The following MID1 variants were observed in gnomAD, a reference collection of about 807,000 sequenced individuals.
The protein encoded by MID1 is midline 1.
MID1 carries 7 observed loss-of-function variants against 40.4 expected under a neutral mutation model. The ratio of observed to expected loss-of-function variants is 0.17; its 90% CI spans 0.10 to 0.33. The LOEUF is 0.33. Ranked by LOEUF, MID1 falls within the 10% of genes least tolerant of loss-of-function variation. The pLI is 1.00. For missense variants in MID1, 367 were observed against 558.5 expected, an observed-to-expected ratio of 0.66 and a Z score of 3.46; for synonymous variants, 229 against 221.2, an observed-to-expected ratio of 1.04 and a Z score of -0.31.
intron 1 of MID1, among the ~76,000 whole-genome samples, chrX:10,826,575 C>G (rs2044218191): frequency 1.8e-5 from 2 of 112,104 alleles, no homozygotes; most frequent in South Asian, 7.5e-4. Context: ...CATTTCCTAC[C>G]CCTGAAAACA....
chrX:10,652,966 A>G, intron 1 of MID1, among the ~76,000 whole-genome samples: 1 of 111,229 alleles, frequency 9.0e-6, no homozygotes, highest in East Asian at 2.8e-4. Context: ...CTTTATTTGT[A>G]TTTGCAGCAC....
chrX:10,588,431 AT>A (rs1935189814), intron 1 of MID1, among the ~76,000 whole-genome samples: 1 of 111,561 alleles, frequency 9.0e-6, no homozygotes, highest in African/African-American at 3.3e-5. Flanking sequence ...TGCTCTTGGG[AT>A]ATGCCCTTGT....
chrX:10,815,669 C>T (rs979856944), intron 1 of MID1, among the ~76,000 whole-genome samples: 4 of 112,478 alleles, frequency 3.6e-5, no homozygotes, highest in African/African-American at 6.5e-5. Flanking sequence ...TTCATCAGTC[C>T]CCTGGGGGTT....
chrX:10,686,581 C>T (rs756875178), intron 1 of MID1, among the ~76,000 whole-genome samples: 2 of 112,115 alleles, frequency 1.8e-5, no homozygotes, highest in South Asian at 7.4e-4. Context: ...TAAAGCTTTC[C>T]CTTAGTCCCA....
chrX:10,609,103 A>G (rs933666437), intron 1 of MID1, among the ~76,000 whole-genome samples: 1 of 111,681 alleles, frequency 9.0e-6, no homozygotes, highest in Non-Finnish European at 1.9e-5. Context: ...TTTAGCAACA[A>G]ATTAGTTTTC....
rs773299935 is a variant in MID1, at chrX:10,773,799, G to T, written c.-187+59755C>A. Among the ~76,000 whole-genome samples, 5 of 112,138 alleles carry T rather than the reference G, an allele frequency of 4.5e-5. No individual in the cohort carries two copies. The South Asian group carries it at 1.9e-3, about 42-fold the overall frequency. ...TCAAGTTGATATAGGCCATAAGCAG[G>T]TCCAGCTCACATACAGGCCAAGAGT... On this transcript the variant is annotated intron_variant, in intron 1 of 10. Coordinates refer to the MID1 transcript ENST00000380785.
Position 10,765,017 on chromosome X carries a change from A to C in MID1, c.-187+68537T>G, listed in dbSNP as rs2043710690. Among the ~76,000 whole-genome samples the C allele has an allele frequency of 7.2e-5, 8 of 111,577 alleles. No homozygotes were observed. The South Asian group carries it at 3.0e-3, about 42-fold the overall frequency. On this transcript the variant is annotated intron_variant, in intron 1 of 10. Coordinates refer to the MID1 transcript ENST00000380785. ...ATCATGTTAACAGGCTCTCACACAA[A>C]CCCAATAATTACTGTGGTTCACTCT...
At chrX:10,758,569 C>T (rs919334276) in intron 1 of MID1, among the ~76,000 whole-genome samples, 3 of 98,917 alleles carry the variant, frequency 3.0e-5, no homozygotes, top group Non-Finnish European at 5.9e-5. Flanking sequence ...TGGCTCACTG[C>T]AAGCTCCGCC....
chrX:10,507,139 T>A (rs1032130094), intron 3 of MID1, among the ~76,000 whole-genome samples: 1 of 111,008 alleles, frequency 9.0e-6, no homozygotes, highest in African/African-American at 3.3e-5. Flanking sequence ...TGTCCCTCTC[T>A]CTCCCTACCC....
chrX:10,802,423 A>G (rs999163772), intron 1 of MID1, among the ~76,000 whole-genome samples: 1 of 111,786 alleles, frequency 8.9e-6, no homozygotes, highest in African/African-American at 3.3e-5. Context: ...AACAAACGTG[A>G]AAAAAATGCT....
intron 1 of MID1, among the ~76,000 whole-genome samples, chrX:10,805,724 C>T (rs1169934824): frequency 4.1e-5 from 4 of 96,775 alleles, no homozygotes; most frequent in Non-Finnish European, 4.2e-5. Context: ...ACATCCTCTC[C>T]AGCACCTGTT....
At chrX:10,450,030 C>T (rs1928232260) in intron 9 of MID1, among the ~76,000 whole-genome samples, 1 of 112,181 alleles carries the variant, frequency 8.9e-6, no homozygotes, top group African/African-American at 3.2e-5. Context: ...TAAAAATCTA[C>T]ACAATGAATT....
chrX:10,759,442 G>C (rs1054728599), intron 1 of MID1, among the ~76,000 whole-genome samples: 3 of 111,657 alleles, frequency 2.7e-5, no homozygotes, highest in African/African-American at 6.5e-5. Flanking sequence ...AGTGAAGTGA[G>C]ATGAGAAACG....
rs186179633 is a variant in MID1 at position 10,458,035 on chromosome X, C to G, written c.1447+1611G>C. Among the ~76,000 whole-genome samples, 13 of 112,504 alleles carry G rather than the reference C, an allele frequency of 1.2e-4. No homozygotes were observed. The East Asian group carries it at 2.8e-3, about 24-fold the overall frequency. On this transcript the variant is annotated intron_variant, in intron 8 of 9. Coordinates refer to ENST00000317552, the MANE Select transcript of MID1 (RefSeq NM_000381.4). ...ATTAGGATTAATGTGCTTTATTCCC[C>G]AATAGTCTAGGACCTTTTTGAGAGA...
intron 9 of MID1, among the ~76,000 whole-genome samples, chrX:10,450,004 C>CT (rs944632944): frequency 2.4e-4 from 26 of 109,836 alleles, no homozygotes; most frequent in South Asian, 7.7e-4. Context: ...AGTTTTGCTG[C>CT]TTTTTTTCAC....
At chrX:10,686,713 G>C (rs1467581103) in intron 1 of MID1, among the ~76,000 whole-genome samples, 1 of 112,322 alleles carries the variant, frequency 8.9e-6, no homozygotes, top group East Asian at 2.8e-4. Flanking sequence ...GGGGGAAGAA[G>C]CAAGATTGGG....
chrX:10,457,720 C>A (rs1161923232), intron 8 of MID1, among the ~76,000 whole-genome samples: 1 of 112,316 alleles, frequency 8.9e-6, no homozygotes, highest in Non-Finnish European at 1.9e-5. Flanking sequence ...CTGGTGTGGC[C>A]CAGGAGGCTT....
intron 1 of MID1, among the ~76,000 whole-genome samples, chrX:10,603,528 T>C (rs1935570534): frequency 8.9e-6 from 1 of 111,817 alleles, no homozygotes; most frequent in African/African-American, 3.3e-5. Context: ...ATGTTGGACA[T>C]TTGTACTTAC....
At chrX:10,474,823 G>T (rs764878275) in intron 5 of MID1, 73 bp from the exon 6 acceptor site, 1 of 1,065,724 alleles carries the variant, frequency 9.4e-7, no homozygotes, top group East Asian at 3.0e-5. Flanking sequence ...AAATGAAAAA[G>T]AAAAGGAAAA....
Sources: gnomAD v4.1 joint callset for allele counts (sites outside exome capture counted in the v4.1 genomes callset) on GRCh38, gnomAD v4.1.1 for gene constraint, MANE v1.5 for transcripts, NCBI Gene and HGNC (gene_info 2026-07-23, HGNC 2026-07-21) for gene names.